Variants in ZPLD1 observed in about 807,000 individuals in gnomAD.
ZPLD1 encodes the protein zona pellucida like domain containing 1.
ZPLD1 carries 34 observed loss-of-function variants against 47.2 expected under a neutral mutation model. The ratio of observed to expected loss-of-function variants is 0.72; its 90% CI spans 0.55 to 0.96. The LOEUF is 0.96. Among genes scored for constraint, ZPLD1 ranks in the 40% least tolerant of loss-of-function variants. The pLI, the probability that ZPLD1 is intolerant of heterozygous loss-of-function variation, is 0.00. For missense variants in ZPLD1, 512 were observed against 505.8 expected, an observed-to-expected ratio of 1.01 and a Z score of -0.12; for synonymous variants, 176 against 186.2, an observed-to-expected ratio of 0.95 and a Z score of 0.45.
At chr3:102,459,037 C>T (rs1707464380) in intron 6 of ZPLD1, among the ~76,000 whole-genome samples, 1 of 140,658 alleles carries the variant, frequency 7.1e-6, no homozygotes, top group Admixed American at 7.6e-5. Context: ...TTGCAGGGAG[C>T]CGAGATAGCA....
chr3:102,438,485 G>C lies in ZPLD1; in HGVS notation c.-3G>C. 6.2e-7 allele frequency: 1 copy of C among 1,613,184 alleles called. No individual in the cohort carries two copies. The highest frequency in any genetic ancestry group is 8.5e-7 in the Non-Finnish European group (1 of 1,179,196). On this transcript the variant is annotated 5_prime_UTR_variant, in exon 3 of 12. Coordinates refer to ENST00000466937, the MANE Select transcript of ZPLD1 (RefSeq NM_001329788.2). Reference sequence around the variant, plus strand: ...GATAGATATCTCTTTTCCAGGTTTTGCAATGGAACAAATATGGTTGCTGCT... The same window carrying C: ...GATAGATATCTCTTTTCCAGGTTTTCCAATGGAACAAATATGGTTGCTGCT...
chr3:102,411,900 A>AT (rs1194294393), intron 7 of ZPLD1, among the ~76,000 whole-genome samples: 1 of 151,788 alleles, frequency 6.6e-6, no homozygotes, highest in African/African-American at 2.4e-5. Flanking sequence ...ATCAATTTAT[A>AT]TATCTATCTA....
intron 4 of ZPLD1, among the ~76,000 whole-genome samples, chr3:102,455,109 A>G (rs1576157853): frequency 6.6e-6 from 1 of 152,218 alleles, no homozygotes; most frequent in Non-Finnish European, 1.5e-5. Context: ...TTCTTGTCCC[A>G]TTTATCAATT....
intron 8 of ZPLD1, among the ~76,000 whole-genome samples, chr3:102,420,364 A>G (rs1474150920): frequency 6.6e-6 from 1 of 151,942 alleles, no homozygotes; most frequent in Non-Finnish European, 1.5e-5. Context: ...TTTGTGGTTT[A>G]TAGTCATATT....
At position 102,427,621 on chromosome 3, in the gene ZPLD1, G is replaced by A. The variant is rs1421137533; in HGVS notation, c.-9+9414G>A. Among the ~76,000 whole-genome samples, 4 of 152,234 alleles carry A rather than the reference G, an allele frequency of 2.6e-5. No individual in the cohort carries two copies. In the East Asian group the frequency reaches 7.7e-4, roughly 29 times the overall value. The stretch of plus-strand genomic sequence containing the variant: ...GTTTCATAGGTACTTTATCTCTAGG[G>A]CAATACTTCATTTCACATATGAAGT... On this transcript the variant is annotated intron_variant, in intron 8 of 17. Coordinates refer to the ZPLD1 transcript ENST00000491959.
In ZPLD1 at chr3:102,477,185, A is replaced by G. The variant is rs1707770967; in HGVS notation, c.1072+144A>G. The G allele has an allele frequency of 1.6e-5, 16 of 1,007,468 alleles. No homozygotes were observed. The South Asian group carries it at 2.3e-4, about 14-fold the overall frequency. 62.4% of individuals were successfully genotyped at this position (1,007,468 alleles called of 1,614,324 possible). On this transcript the variant is annotated intron_variant, in intron 11 of 11. Coordinates refer to ENST00000466937, the MANE Select transcript of ZPLD1 (RefSeq NM_001329788.2). ...GTTCACTGAGGGTTTTCAAACTCAT[A>G]TGTGATCTATTGGTCAATTTTTATA...
chr3:102,418,955 CT>C (rs1461695558), intron 8 of ZPLD1, among the ~76,000 whole-genome samples: 1 of 151,902 alleles, frequency 6.6e-6, no homozygotes, highest in Non-Finnish European at 1.5e-5. Context: ...TCTATTTTGC[CT>C]TTGGTGAAGC....
At chr3:102,436,612 T>G (rs1707095182) in intron 1 of ZPLD1, among the ~76,000 whole-genome samples, 1 of 152,212 alleles carries the variant, frequency 6.6e-6, no homozygotes, top group African/African-American at 2.4e-5. Context: ...CATTTTCACG[T>G]CATTTAAACC....
chr3:102,445,199 T>A (rs911546796), intron 3 of ZPLD1, among the ~76,000 whole-genome samples: 2 of 152,138 alleles, frequency 1.3e-5, no homozygotes, highest in Non-Finnish European at 2.9e-5. Flanking sequence ...CTGATCCTGT[T>A]CCCAATTTTG....
intron 8 of ZPLD1, among the ~76,000 whole-genome samples, chr3:102,467,528 A>T (rs2107351764): frequency 6.6e-6 from 1 of 152,216 alleles, no homozygotes; most frequent in South Asian, 2.1e-4. Context: ...ATCCCCAAAC[A>T]TATGGGAATT....
At chr3:102,476,933 G>A (rs1292048353) in intron 10 of ZPLD1, 79 bp from the exon 11 acceptor site, 10 of 1,502,892 alleles carry the variant, frequency 6.7e-6, no homozygotes, top group Non-Finnish European at 9.2e-6. Flanking sequence ...TAGGTACAAT[G>A]TAATTATTAA....
At position 102,436,906 on chromosome 3, in the gene ZPLD1, A is replaced by G. The variant is rs756769979; in HGVS notation, c.-76A>G. On this transcript the variant is annotated 5_prime_UTR_variant, in exon 2 of 12. It removes an upstream start codon present in the reference 5' UTR. Coordinates refer to ENST00000466937, the MANE Select transcript of ZPLD1 (RefSeq NM_001329788.2). ...CAACAGTGTGGGTCTAGAGTTTCCA[A>G]TGTCTTCCAGGAGTTCTTGGGACCC... is the stretch of plus-strand genomic sequence containing the variant. 4 of 985,284 alleles carry G rather than the reference A, an allele frequency of 4.1e-6. No individual in the cohort carries two copies. Among genetic ancestry groups the G allele is most frequent in the African/African-American group, 1.7e-5 (1 of 57,218 alleles). 61.0% of individuals were successfully genotyped at this position (985,284 alleles called of 1,614,324 possible).
chr3:102,477,277 CTTTGGTA>C (rs1162128826), intron 11 of ZPLD1, among the ~76,000 whole-genome samples, 159 bp from the exon 12 acceptor site: 1 of 151,996 alleles, frequency 6.6e-6, no homozygotes, highest in East Asian at 1.9e-4. Context: ...CCATACAATC[CTTTGGTA>C]TTGGGTTGAA....
Position 102,477,530 on chromosome 3 carries a change from CTCT to C in ZPLD1, c.1167_1169del (p.Leu390del), listed in dbSNP as rs1280615575. On this transcript the variant is annotated inframe_deletion, in exon 12 of 12. Transcript: ENST00000466937. ...GTCATTCTGGGAGTTACGAGCTTTT[CTCT>C]TCTTCTGTGCTCACTGGCCCTTCTG... The C allele has an allele frequency of 9.9e-6, 16 of 1,613,852 alleles. No homozygotes were observed. The highest frequency in any genetic ancestry group is 4.5e-5 in the East Asian group (2 of 44,878).
At chr3:102,388,081 C>G (rs1001172875) in intron 6 of ZPLD1, among the ~76,000 whole-genome samples, 2 of 151,902 alleles carry the variant, frequency 1.3e-5, no homozygotes, top group African/African-American at 2.4e-5. Flanking sequence ...AGGATGGTCT[C>G]GATTTCCTGA....
At chr3:102,392,852 C>T (rs1706512824) in intron 7 of ZPLD1, among the ~76,000 whole-genome samples, 1 of 152,104 alleles carries the variant, frequency 6.6e-6, no homozygotes, top group South Asian at 2.1e-4. Flanking sequence ...TACCTTCATG[C>T]AAACATGTTG....
At chr3:102,461,530 C>T (rs1320194220) in intron 6 of ZPLD1, among the ~76,000 whole-genome samples, 1 of 151,924 alleles carries the variant, frequency 6.6e-6, no homozygotes, top group Non-Finnish European at 1.5e-5. Flanking sequence ...AGAATTTGTG[C>T]AGGAACCATA....
At chr3:102,405,381 C>G (rs1316060746) in intron 7 of ZPLD1, among the ~76,000 whole-genome samples, 1 of 151,990 alleles carries the variant, frequency 6.6e-6, no homozygotes, top group South Asian at 2.1e-4. Context: ...TGTTCCAAAT[C>G]TATGCCTCAT....
At chr3:102,444,547 G>T (rs1440264575) in intron 3 of ZPLD1, among the ~76,000 whole-genome samples, 1 of 152,172 alleles carries the variant, frequency 6.6e-6, no homozygotes, top group Admixed American at 6.6e-5. Context: ...AACATATGTA[G>T]CATCTGTTCT....
Sources: allele counts gnomAD v4.1 joint callset (sites outside exome capture counted in the v4.1 genomes callset), GRCh38; gene constraint gnomAD v4.1.1; transcripts MANE v1.5; gene names NCBI Gene and HGNC (gene_info 2026-07-23, HGNC 2026-07-21).